Variants in FBN1 observed in about 807,000 individuals in gnomAD.
FBN1 encodes fibrillin 1, also known as fibrillin-1.
In FBN1, 29 loss-of-function variants were observed where a neutral mutation model predicts 365.1. The ratio of observed to expected loss-of-function variants is 0.08; its 90% CI spans 0.06 to 0.11. The LOEUF (loss-of-function observed/expected upper bound fraction) is 0.11. Ranked by LOEUF, FBN1 falls within the 10% of genes least tolerant of loss-of-function variation. The pLI, the probability that FBN1 is intolerant of heterozygous loss-of-function variation, is 1.00. For missense variants in FBN1, 2,476 were observed against 3,703.2 expected, an observed-to-expected ratio of 0.67 and a Z score of 8.60; for synonymous variants, 1,210 against 1,270.5, an observed-to-expected ratio of 0.95 and a Z score of 1.01.
chr15:48,524,796 A>G (rs1201391605), intron 9 of FBN1, among the ~76,000 whole-genome samples: 1 of 152,200 alleles, frequency 6.6e-6, no homozygotes, highest in Non-Finnish European at 1.5e-5. Context: ...CTGTGAAATG[A>G]ACATCAAGTC....
chr15:48,447,687 G>A (rs1233341125), intron 46 of FBN1, among the ~76,000 whole-genome samples: 1 of 152,054 alleles, frequency 6.6e-6, no homozygotes, highest in East Asian at 1.9e-4. Flanking sequence ...AGAGTGGAAG[G>A]TAACAACGGA....
chr15:48,470,589 C>T, intron 36 of FBN1, 45 bp downstream of exon 36: 2 of 1,612,794 alleles, frequency 1.2e-6, no homozygotes, highest in South Asian at 1.1e-5. Flanking sequence ...AGCTGGGTCC[C>T]CCGGGACACC....
At chr15:48,575,356 T>C (rs1200901118) in intron 6 of FBN1, among the ~76,000 whole-genome samples, 1 of 152,182 alleles carries the variant, frequency 6.6e-6, no homozygotes, top group East Asian at 1.9e-4. Context: ...TGTATGTATG[T>C]ATGTATGTAT....
chr15:48,425,254 A>G, intron 60 of FBN1, 115 bp downstream of exon 60: 1 of 1,405,938 alleles, frequency 7.1e-7, no homozygotes, highest in East Asian at 2.3e-5. Context: ...ACCCCAGGGA[A>G]GCACCTCCTG....
At chr15:48,456,611 T>C (rs777370167) in intron 44 of FBN1, 26 bp downstream of exon 44, 12 of 1,612,190 alleles carry the variant, frequency 7.4e-6, no homozygotes, top group Non-Finnish European at 1.0e-5. Flanking sequence ...CTTTTCTGGA[T>C]ATGATAAAGT....
intron 16 of FBN1, among the ~76,000 whole-genome samples, chr15:48,504,557 T>C (rs1223439236): frequency 6.6e-6 from 1 of 152,234 alleles, no homozygotes; most frequent in African/African-American, 2.4e-5. Context: ...ATAATCTGGA[T>C]AAAATTGGTA....
In FBN1 at chr15:48,456,871, T is replaced by TGTGTGTGTGTGTGTGTGCGC. The variant is rs749897052; in HGVS notation, c.5297-110_5297-109insGCGCACACACACACACACAC. The TGTGTGTGTGTGTGTGTGCGC allele has an allele frequency of 5.0e-4, 540 of 1,083,444 alleles. 1 individual carries two copies. Among genetic ancestry groups the TGTGTGTGTGTGTGTGTGCGC allele is most frequent in the South Asian group, 3.0e-3 (234 of 78,720 alleles). 67.1% of individuals were successfully genotyped at this position (1,083,444 alleles called of 1,614,324 possible). The stretch of plus-strand genomic sequence containing the variant: ...GTGTGTGTGTGTGTGTGTGTGTGTG[T>TGTGTGTGTGTGTGTGTGCGC]GCGTGCATGTGTTGGGGTGGTGGTG... On this transcript the variant is annotated intron_variant, in intron 43 of 65. Coordinates refer to ENST00000316623, the MANE Select transcript of FBN1 (RefSeq NM_000138.5).
chr15:48,561,221 C>T (rs2044220167), intron 6 of FBN1, among the ~76,000 whole-genome samples: 1 of 152,172 alleles, frequency 6.6e-6, no homozygotes. Flanking sequence ...TGCAGTCTTT[C>T]CCTTCCTGGC....
At chr15:48,484,402 T>G (rs2043489379) in intron 30 of FBN1, among the ~76,000 whole-genome samples, 1 of 151,562 alleles carries the variant, frequency 6.6e-6, no homozygotes, top group Non-Finnish European at 1.5e-5. Flanking sequence ...AGACAGAGTC[T>G]CACTCTGTCA....
At chr15:48,543,442 C>T (rs2044073744) in intron 6 of FBN1, among the ~76,000 whole-genome samples, 1 of 152,134 alleles carries the variant, frequency 6.6e-6, no homozygotes, top group Non-Finnish European at 1.5e-5. Flanking sequence ...TGAAATTCTT[C>T]CGGGACTCCT....
At chr15:48,608,609 C>T (rs903064795) in intron 4 of FBN1, among the ~76,000 whole-genome samples, 2 of 152,154 alleles carry the variant, frequency 1.3e-5, no homozygotes, top group East Asian at 1.9e-4. Context: ...TTTCAAGTAA[C>T]CCCAAAGATC....
chr15:48,635,476 C>T (rs1308801143), intron 2 of FBN1, among the ~76,000 whole-genome samples: 2 of 152,170 alleles, frequency 1.3e-5, no homozygotes, highest in Admixed American at 1.3e-4. Flanking sequence ...CTCATTACAA[C>T]ACCAATTCTA....
chr15:48,508,017 T>C (rs187120164), intron 15 of FBN1, among the ~76,000 whole-genome samples: 10 of 151,064 alleles, frequency 6.6e-5, no homozygotes, highest in Admixed American at 3.3e-4. Flanking sequence ...ACTAAAAAAA[T>C]GGTTCTTGGT....
At chr15:48,559,967 A>C (rs2044211289) in intron 6 of FBN1, among the ~76,000 whole-genome samples, 1 of 152,188 alleles carries the variant, frequency 6.6e-6, no homozygotes, top group Admixed American at 6.6e-5. Flanking sequence ...ACGAAGTAAC[A>C]GATGCTACAC....
At chr15:48,505,582 G>A (rs1332953222) in intron 15 of FBN1, among the ~76,000 whole-genome samples, 1 of 152,116 alleles carries the variant, frequency 6.6e-6, no homozygotes, top group Non-Finnish European at 1.5e-5. Flanking sequence ...ATCACTTCTA[G>A]TATCACCCAT....
intron 8 of FBN1, among the ~76,000 whole-genome samples, chr15:48,532,522 G>A (rs1004063581): frequency 6.6e-6 from 1 of 151,738 alleles, no homozygotes; most frequent in African/African-American, 2.4e-5. Context: ...GTGTGTGTGT[G>A]TATATGGCCC....
chr15:48,609,531 G>T (rs1342311559), intron 4 of FBN1, among the ~76,000 whole-genome samples: 1 of 152,244 alleles, frequency 6.6e-6, no homozygotes, highest in Non-Finnish European at 1.5e-5. Context: ...AACAGCGAGG[G>T]CTCGGTCCCA....
chr15:48,455,447 A>T (rs937772334), intron 44 of FBN1, among the ~76,000 whole-genome samples: 3 of 152,178 alleles, frequency 2.0e-5, no homozygotes, highest in African/African-American at 7.2e-5. Flanking sequence ...AAGGGTGGGG[A>T]GGAAAATGCC....
chr15:48,500,577 A>T (rs184721908), intron 17 of FBN1, among the ~76,000 whole-genome samples: 139 of 152,340 alleles, frequency 9.1e-4, no homozygotes, highest in African/African-American at 3.2e-3. Context: ...TGAATAAAAA[A>T]ATAAGTAAAT....
Sources: gnomAD v4.1 joint callset for allele counts (sites outside exome capture counted in the v4.1 genomes callset) on GRCh38, gnomAD v4.1.1 for gene constraint, MANE v1.5 for transcripts, NCBI Gene and HGNC (gene_info 2026-07-23, HGNC 2026-07-21) for gene names.